ITGA11: variants seen among roughly 807,000 people sequenced by gnomAD.
ITGA11 encodes the protein integrin subunit alpha 11, also known as integrin alpha-11.
A neutral mutation model predicts 141.9 loss-of-function variants in ITGA11; 97 were observed. The observed-to-expected ratio is 0.68, with a 90% CI of 0.58 to 0.81. ITGA11 has a LOEUF of 0.81. ITGA11 is among the 30% of genes least tolerant of loss of function. ITGA11 has a pLI of 0.00. For synonymous variants in ITGA11, 658 were observed against 624.6 expected (o/e 1.05, Z -0.80); for missense variants, 1,387 against 1,559.2 (o/e 0.89, Z 1.86).
intron 11 of ITGA11, 157 bp from the exon 12 acceptor site, chr15:68,336,002 G>C (rs919188122): frequency 2.1e-5 from 18 of 860,900 alleles, no homozygotes; most frequent in African/African-American, 3.4e-5. Flanking sequence ...ATAATTCCTA[G>C]GGGCAGCTGG....
At chr15:68,313,903 G>C in intron 22 of ITGA11, 35 bp from the exon 23 acceptor site, 1 of 1,553,696 alleles carries the variant, frequency 6.4e-7, no homozygotes, top group Non-Finnish European at 8.9e-7. Flanking sequence ...GTCAGGAAGG[G>C]GCTCAGCCAG....
intron 23 of ITGA11, 68 bp from the exon 24 acceptor site, chr15:68,312,931 A>C: frequency 8.6e-7 from 1 of 1,165,418 alleles, no homozygotes; most frequent in Non-Finnish European, 1.3e-6. Flanking sequence ...GATGAATGAA[A>C]GAGGGAGAGG....
intron 20 of ITGA11, among the ~76,000 whole-genome samples, chr15:68,318,961 C>A (rs563717423): frequency 1.2e-4 from 18 of 152,338 alleles, no homozygotes; most frequent in African/African-American, 4.1e-4. Flanking sequence ...GCTCTGGACA[C>A]AGACATGGCT....
chr15:68,332,932 G>A (rs1341207906), intron 12 of ITGA11, among the ~76,000 whole-genome samples: 1 of 152,006 alleles, frequency 6.6e-6, no homozygotes, highest in Admixed American at 6.6e-5. Flanking sequence ...TTACAAATTG[G>A]GGTAATAAGG....
intron 15 of ITGA11, 73 bp downstream of exon 15, chr15:68,330,908 C>A: frequency 6.4e-7 from 1 of 1,568,546 alleles, no homozygotes; most frequent in Non-Finnish European, 8.7e-7. Flanking sequence ...ATCCTGAAGC[C>A]TATCTTTAAA....
chr15:68,312,900 TC>T, intron 23 of ITGA11, 37 bp from the exon 24 acceptor site: 1 of 1,470,008 alleles, frequency 6.8e-7, no homozygotes, highest in Non-Finnish European at 9.5e-7. Context: ...GTGAGCTCAG[TC>T]AGGGCTGGCT....
At chr15:68,315,818 G>C in intron 21 of ITGA11, 91 bp from the exon 22 acceptor site, 1 of 1,073,478 alleles carries the variant, frequency 9.3e-7, no homozygotes, top group Non-Finnish European at 1.3e-6. Context: ...TGCTGGCTTG[G>C]GGAGAGGGAG....
intron 13 of ITGA11, 80 bp from the exon 14 acceptor site, chr15:68,332,142 C>T: frequency 2.3e-6 from 3 of 1,320,358 alleles, no homozygotes; most frequent in South Asian, 1.3e-5. Context: ...GCAGGCTGCT[C>T]CGGCATCCTC....
intron 1 of ITGA11, among the ~76,000 whole-genome samples, chr15:68,427,904 G>A (rs1353219648): frequency 6.6e-6 from 1 of 152,160 alleles, no homozygotes; most frequent in Non-Finnish European, 1.5e-5. Context: ...CCTACATACA[G>A]TTGGTGGGGA....
intron 1 of ITGA11, among the ~76,000 whole-genome samples, chr15:68,429,173 G>A (rs1897213404): frequency 6.6e-6 from 1 of 152,148 alleles, no homozygotes; most frequent in African/African-American, 2.4e-5. Context: ...ATAACTCTAA[G>A]TTCTATTATT....
chr15:68,317,524 C>T (rs886923888), intron 20 of ITGA11, among the ~76,000 whole-genome samples, 161 bp from the exon 21 acceptor site: 2 of 147,584 alleles, frequency 1.4e-5, no homozygotes, highest in African/African-American at 5.4e-5. Context: ...TGTCTGAGAC[C>T]CCAGAGGCCC....
intron 1 of ITGA11, among the ~76,000 whole-genome samples, chr15:68,415,114 G>C (rs1566943536): frequency 1.3e-5 from 2 of 152,144 alleles, no homozygotes; most frequent in African/African-American, 2.4e-5. Context: ...TGGACTGCTT[G>C]TCTCTCTGCT....
intron 7 of ITGA11, among the ~76,000 whole-genome samples, chr15:68,353,248 A>G (rs991878295): frequency 6.6e-6 from 1 of 152,252 alleles, no homozygotes; most frequent in African/African-American, 2.4e-5. Context: ...GAGAAAAAAC[A>G]TCCACCATTC....
intron 1 of ITGA11, among the ~76,000 whole-genome samples, chr15:68,412,105 G>A (rs1401921665): frequency 6.6e-6 from 1 of 152,134 alleles, no homozygotes; most frequent in Non-Finnish European, 1.5e-5. Flanking sequence ...ACTGAGATTT[G>A]GGGGGATTAT....
At chr15:68,317,404 G>T in intron 20 of ITGA11, 41 bp from the exon 21 acceptor site, 1 of 1,404,062 alleles carries the variant, frequency 7.1e-7, no homozygotes, top group Non-Finnish European at 1.0e-6. Flanking sequence ...AGTTAGGTGG[G>T]GCCTGGGACC....
intron 6 of ITGA11, among the ~76,000 whole-genome samples, 178 bp downstream of exon 6, chr15:68,358,280 T>C (rs1188749181): frequency 6.6e-6 from 1 of 152,222 alleles, no homozygotes; most frequent in African/African-American, 2.4e-5. Context: ...TTTGATGTGC[T>C]ACACCAGAGA....
At chr15:68,392,494 A>G (rs1221665812) in intron 2 of ITGA11, among the ~76,000 whole-genome samples, 1 of 152,188 alleles carries the variant, frequency 6.6e-6, no homozygotes, top group Non-Finnish European at 1.5e-5. Flanking sequence ...TGCAAAGATG[A>G]CTAGGATTTG....
chr15:68,403,461 C>T (rs533731442), intron 1 of ITGA11, among the ~76,000 whole-genome samples: 2 of 152,074 alleles, frequency 1.3e-5, no homozygotes, highest in Non-Finnish European at 1.5e-5. Flanking sequence ...GGCCTCCCCC[C>T]TCTCTTTCTT....
intron 2 of ITGA11, among the ~76,000 whole-genome samples, chr15:68,402,065 G>T (rs1896525777): frequency 1.4e-5 from 2 of 142,080 alleles, no homozygotes; most frequent in African/African-American, 5.1e-5. Flanking sequence ...CAAGAAGGGG[G>T]AGAGGTTGGG....
Sources: allele counts gnomAD v4.1 joint callset (sites outside exome capture counted in the v4.1 genomes callset), GRCh38; gene constraint gnomAD v4.1.1; transcripts MANE v1.5; gene names NCBI Gene and HGNC (gene_info 2026-07-23, HGNC 2026-07-21).